Variants in INSR observed in about 807,000 individuals in gnomAD.
The protein encoded by INSR is insulin receptor.
A neutral mutation model predicts 142.6 loss-of-function variants in INSR; 67 were observed. That is an observed-to-expected ratio of 0.47 (90% CI 0.39 to 0.58). The LOEUF is 0.58. Ranked by LOEUF, INSR falls within the 20% of genes least tolerant of loss-of-function variation. INSR has a pLI of 0.00. For missense variants in INSR, 1,248 were observed against 1,833.2 expected (o/e 0.68, Z 5.83); for synonymous variants, 756 against 743.1 (o/e 1.02, Z -0.28).
intron 4 of INSR, among the ~76,000 whole-genome samples, chr19:7,173,460 A>G (rs548679070): frequency 6.6e-6 from 1 of 151,766 alleles, no homozygotes; most frequent in Non-Finnish European, 1.5e-5. Context: ...CTAGGACTAC[A>G]GGCATGTGCC....
chr19:7,217,406 G>A (rs569203031), intron 2 of INSR, among the ~76,000 whole-genome samples: 28 of 152,276 alleles, frequency 1.8e-4, no homozygotes, highest in African/African-American at 6.7e-4. Context: ...CTTGTGCCAA[G>A]TGAGGTACCA....
Position 7,117,415 on chromosome 19 carries a change from G to C in INSR, c.3795-5C>G, listed in dbSNP as rs78312382. ...CACATGCGCATGAGGTCAGTGCTGC[G>C]GGGCAGAAGGACACGTCCTGGGTGA... On this transcript the variant is annotated splice_polypyrimidine_tract_variant and splice_region_variant and intron_variant, in intron 21 of 21. Coordinates refer to ENST00000302850, the MANE Select transcript of INSR (RefSeq NM_000208.4). 1.2e-6 allele frequency: 2 copies of C among 1,607,452 alleles called. No homozygotes were observed. The highest frequency in any genetic ancestry group is 4.5e-5 in the East Asian group (2 of 44,796).
chr19:7,116,844 T>C lies in INSR; in HGVS notation c.*212A>G. ...AGGAGCAGCAACTGTGGAAACCCCT[T>C]GCCCTCCAGGTTCACAGTTAAATCC... On this transcript the variant is annotated 3_prime_UTR_variant, in exon 22 of 22. Coordinates refer to ENST00000302850, the MANE Select transcript of INSR (RefSeq NM_000208.4). 2 of 553,388 alleles carry C rather than the reference T, an allele frequency of 3.6e-6. No homozygotes were observed. Among genetic ancestry groups the C allele is most frequent in the South Asian group, 4.8e-5 (2 of 41,374 alleles). The allele number at this position is 553,388 out of a possible 1,614,324, so 34.3% of individuals were successfully genotyped here.
chr19:7,276,083 T>C (rs1968055419), intron 1 of INSR, among the ~76,000 whole-genome samples: 1 of 152,118 alleles, frequency 6.6e-6, no homozygotes, highest in African/African-American at 2.4e-5. Context: ...GATTCTGAAA[T>C]CCTTTACAAT....
intron 2 of INSR, among the ~76,000 whole-genome samples, chr19:7,256,826 T>C (rs1366538864): frequency 6.7e-6 from 1 of 148,590 alleles, no homozygotes; most frequent in Non-Finnish European, 1.5e-5. Context: ...TTTGTTTGTT[T>C]CTCTCCTAGA....
chr19:7,124,400 G>A (rs1286911811), intron 17 of INSR, among the ~76,000 whole-genome samples: 1 of 144,486 alleles, frequency 6.9e-6, no homozygotes, highest in African/African-American at 2.5e-5. Context: ...TCAGCCAGGC[G>A]TGGTAGCAGG....
rs367920422 is a variant in INSR at position 7,122,708 on chromosome 19, G to A, written c.3435C>T (p.Asp1145=). 166 of 1,614,038 alleles carry A rather than the reference G, an allele frequency of 1.0e-4. No homozygotes were observed. The highest frequency in any genetic ancestry group is 1.3e-4 in the Non-Finnish European group (149 of 1,180,014). Residue 1145 remains aspartate, a synonymous_variant, in exon 19 of 22, where the codon GAC becomes GAT. Transcript: ENST00000302850. ...TCTTGGCGTTCAGGTAGGCCATCCC[G>A]TCAGCAATCTCTGCCGCCATCTGAA... ...EMIQMAAEIA[D]GMAYLNAKKF...
intron 2 of INSR, among the ~76,000 whole-genome samples, chr19:7,186,407 C>A (rs1974432278): frequency 6.6e-6 from 1 of 152,134 alleles, no homozygotes; most frequent in Non-Finnish European, 1.5e-5. Flanking sequence ...GGCCATCCAA[C>A]ATAGTAGCCA....
At chr19:7,252,392 C>A (rs749866861) in intron 2 of INSR, among the ~76,000 whole-genome samples, 3 of 151,328 alleles carry the variant, frequency 2.0e-5, no homozygotes, top group Non-Finnish European at 2.9e-5. Context: ...GGTGACAGAG[C>A]AAGACTCCAT....
At chr19:7,253,462 T>G (rs1226116998) in intron 2 of INSR, among the ~76,000 whole-genome samples, 1 of 151,712 alleles carries the variant, frequency 6.6e-6, no homozygotes, top group Non-Finnish European at 1.5e-5. Flanking sequence ...GGTCTCGAAC[T>G]CCTGACCTCA....
At chr19:7,120,118 C>A (rs940714518) in intron 20 of INSR, among the ~76,000 whole-genome samples, 3 of 152,230 alleles carry the variant, frequency 2.0e-5, no homozygotes, top group Admixed American at 2.0e-4. Flanking sequence ...GAGATACCTG[C>A]ATATCTGATT....
At chr19:7,217,238 A>G (rs1600039175) in intron 2 of INSR, among the ~76,000 whole-genome samples, 1 of 152,282 alleles carries the variant, frequency 6.6e-6, no homozygotes, top group East Asian at 1.9e-4. Context: ...GAGAGAATCC[A>G]GCTTTTAAGG....
intron 2 of INSR, among the ~76,000 whole-genome samples, chr19:7,214,779 CTT>C: frequency 6.6e-6 from 1 of 151,732 alleles, no homozygotes; most frequent in South Asian, 2.1e-4. Flanking sequence ...CTTCCCTTCC[CTT>C]TTTTTCTTCC....
rs1424523294 is a variant in INSR, at chr19:7,146,236, C to CCTTTTTTTTTTTTTTTTTTTTTTTTTTT, written c.2268-3147_2268-3146insAAAAAAAAAAAAAAAAAAAAAAAAAAAG. Among the ~76,000 whole-genome samples, 2 of 110,756 alleles carry CCTTTTTTTTTTTTTTTTTTTTTTTTTTT rather than the reference C, an allele frequency of 1.8e-5. 1 individual carries two copies. The allele number at this position is 110,756 out of a possible 152,430, so 72.7% of individuals were successfully genotyped here. ...TTCAGTGCAGTATCTTTGTCAAGTT[C>CCTTTTTTTTTTTTTTTTTTTTTTTTTTT]TTTTTTTTTTTTTTTTTTTTTTGAG... On this transcript the variant is annotated intron_variant, in intron 11 of 21. Coordinates refer to ENST00000302850, the MANE Select transcript of INSR (RefSeq NM_000208.4).
At chr19:7,254,926 T>G (rs1976841238) in intron 2 of INSR, among the ~76,000 whole-genome samples, 3 of 152,096 alleles carry the variant, frequency 2.0e-5, no homozygotes, top group African/African-American at 7.2e-5. Flanking sequence ...GCCTTTCCAT[T>G]ACGATGGATT....
intron 5 of INSR, 24 bp downstream of exon 5, chr19:7,172,266 A>C: frequency 6.2e-7 from 1 of 1,613,382 alleles, no homozygotes; most frequent in African/African-American, 1.3e-5. Context: ...CACTCAGGCC[A>C]TACACACAAT....
chr19:7,169,105 T>C (rs1973954017), intron 6 of INSR, among the ~76,000 whole-genome samples: 1 of 152,190 alleles, frequency 6.6e-6, no homozygotes, highest in Non-Finnish European at 1.5e-5. Context: ...GCTTGGTAGA[T>C]GCCTGGCCGT....
intron 1 of INSR, chr19:7,268,675 G>A (rs1403218610): frequency 5.7e-6 from 5 of 876,702 alleles, no homozygotes; most frequent in Non-Finnish European, 6.8e-6. Flanking sequence ...CTCAGGGCAA[G>A]CACTCAAACA....
At chr19:7,158,067 T>C (rs1973646111) in intron 9 of INSR, among the ~76,000 whole-genome samples, 8 of 148,166 alleles carry the variant, frequency 5.4e-5, no homozygotes. Flanking sequence ...TTATTATTAT[T>C]ATTATTATTA....
Sources: gnomAD v4.1 joint callset for allele counts (sites outside exome capture counted in the v4.1 genomes callset) on GRCh38, gnomAD v4.1.1 for gene constraint, MANE v1.5 for transcripts, NCBI Gene and HGNC (gene_info 2026-07-23, HGNC 2026-07-21) for gene names.